SLC39A11: variants seen among roughly 807,000 people sequenced by gnomAD.
SLC39A11 encodes the protein zinc transporter ZIP11.
SLC39A11 carries 33 observed loss-of-function variants against 36.1 expected under a neutral mutation model. That is an observed-to-expected ratio of 0.91 (90% CI 0.69 to 1.22). The LOEUF (loss-of-function observed/expected upper bound fraction) is 1.22. Among genes scored for constraint, SLC39A11 ranks in the 50% most tolerant of loss-of-function variants. The probability of loss-of-function intolerance (pLI) is 0.00; values close to 1 mark genes in which losing one functional copy is unlikely to be tolerated. For missense variants in SLC39A11, 432 were observed against 430.3 expected, an observed-to-expected ratio of 1.00 and a Z score of -0.03; for synonymous variants, 166 against 170.3, an observed-to-expected ratio of 0.97 and a Z score of 0.20.
At chr17:72,959,325 G>GTGTATATATA (rs1436484912) in intron 4 of SLC39A11, among the ~76,000 whole-genome samples, 48 of 65,526 alleles carry the variant, frequency 7.3e-4, no homozygotes, top group African/African-American at 1.9e-3. Flanking sequence ...GTGTGTGTGT[G>GTGTATATATA]TATATATATA....
At chr17:72,647,729 G>C in intron 9 of SLC39A11, 67 bp from the exon 10 acceptor site, 1 of 1,231,180 alleles carries the variant, frequency 8.1e-7, no homozygotes, top group Non-Finnish European at 1.2e-6. Context: ...TAGGCTGAAG[G>C]CATCCTCTGC....
intron 6 of SLC39A11, among the ~76,000 whole-genome samples, chr17:72,777,002 T>C (rs1436408828): frequency 6.6e-6 from 1 of 152,154 alleles, no homozygotes; most frequent in Non-Finnish European, 1.5e-5. Context: ...CCATATGATC[T>C]GCCTACCTTC....
chr17:72,714,899 T>C (rs1439062760), intron 7 of SLC39A11, among the ~76,000 whole-genome samples: 1 of 152,250 alleles, frequency 6.6e-6, no homozygotes, highest in African/African-American at 2.4e-5. Flanking sequence ...GAGAGGTTCA[T>C]TTGTTTAAAC....
intron 6 of SLC39A11, among the ~76,000 whole-genome samples, chr17:72,800,151 C>A (rs1180818546): frequency 1.3e-5 from 2 of 152,050 alleles, no homozygotes; most frequent in Admixed American, 1.3e-4. Flanking sequence ...CAGACACATG[C>A]AAGAGGCAGG....
intron 6 of SLC39A11, among the ~76,000 whole-genome samples, chr17:72,782,705 A>C (rs1306117359): frequency 6.7e-6 from 1 of 149,746 alleles, no homozygotes; most frequent in Non-Finnish European, 1.5e-5. Context: ...AAAAAAAAAA[A>C]AAAAAAAAAA....
rs190113048 is a variant in SLC39A11, at chr17:72,787,009, G to A, written c.602-50290C>T. ...TAATTTTTGTATTTTTAGTAGAGAC[G>A]GGGTTTCACCATGTTGGTCAGGCTG... On this transcript the variant is annotated intron_variant, in intron 6 of 9. Transcript: ENST00000255559. Among the ~76,000 whole-genome samples, 266 of 151,702 alleles carry A rather than the reference G, an allele frequency of 1.8e-3. 3 individuals carry two copies. Among genetic ancestry groups the A allele is most frequent in the Middle Eastern group, 6.8e-3 (2 of 294 alleles).
chr17:72,880,013 C>T (rs1336707165), intron 5 of SLC39A11, among the ~76,000 whole-genome samples: 1 of 152,198 alleles, frequency 6.6e-6, no homozygotes, highest in Non-Finnish European at 1.5e-5. Context: ...CTTGAGGAGG[C>T]TAATTTGAGG....
chr17:72,912,855 C>A (rs990399437), intron 5 of SLC39A11, among the ~76,000 whole-genome samples: 16 of 152,140 alleles, frequency 1.1e-4, no homozygotes, highest in Non-Finnish European at 1.9e-4. Context: ...TGAGCTGCGC[C>A]CCCTTCTTTG....
Position 72,774,458 on chromosome 17 carries a change from G to A in SLC39A11, c.602-37739C>T, listed in dbSNP as rs1043986355. Among the ~76,000 whole-genome samples, 46 of 152,146 alleles carry A rather than the reference G, an allele frequency of 3.0e-4. 1 individual carries two copies. Among genetic ancestry groups the A allele is most frequent in the South Asian group, 2.1e-4 (1 of 4,828 alleles). On this transcript the variant is annotated intron_variant, in intron 6 of 9. Transcript: ENST00000255559. ...AACAGGTCTTCAGTTACAAACCCGC[G>A]CTTCATTTTACAAAACAGTAGCTCC... is the stretch of plus-strand genomic sequence containing the variant.
intron 7 of SLC39A11, among the ~76,000 whole-genome samples, chr17:72,703,894 G>A (rs375989201): frequency 1.3e-4 from 20 of 152,322 alleles, no homozygotes; most frequent in East Asian, 1.2e-3. Flanking sequence ...TCGGGAGGCC[G>A]AGGTGGGTGA....
chr17:73,028,052 G>A (rs558569770), intron 4 of SLC39A11, among the ~76,000 whole-genome samples: 2 of 152,296 alleles, frequency 1.3e-5, no homozygotes, highest in South Asian at 2.1e-4. Flanking sequence ...GGTCGGAACC[G>A]CAGCCAAAGG....
intron 4 of SLC39A11, among the ~76,000 whole-genome samples, chr17:72,974,355 C>A (rs370756208): frequency 2.0e-5 from 3 of 150,998 alleles, no homozygotes; most frequent in East Asian, 1.9e-4. Context: ...CCACCTTGGC[C>A]TCCCAAAGTG....
intron 7 of SLC39A11, among the ~76,000 whole-genome samples, chr17:72,704,614 G>T (rs989969296): frequency 2.6e-5 from 4 of 152,138 alleles, no homozygotes; most frequent in African/African-American, 9.7e-5. Flanking sequence ...AAGCCAAAGC[G>T]CCATCTGTGT....
intron 3 of SLC39A11, among the ~76,000 whole-genome samples, chr17:73,058,801 A>G (rs1250415382): frequency 6.6e-6 from 1 of 152,214 alleles, no homozygotes; most frequent in Non-Finnish European, 1.5e-5. Flanking sequence ...TTGGCAGATG[A>G]AAGAGAACTC....
intron 5 of SLC39A11, among the ~76,000 whole-genome samples, chr17:72,875,059 C>T (rs1401348383): frequency 6.6e-6 from 1 of 152,056 alleles, no homozygotes; most frequent in East Asian, 1.9e-4. Context: ...GAGAGAAACA[C>T]AGGGAGTAAA....
In SLC39A11 at chr17:72,690,942, T is replaced by C. The variant is rs189122647; in HGVS notation, c.672-41674A>G. 5.7e-4 allele frequency among the ~76,000 whole-genome samples: 87 copies of C among 152,134 alleles called. 1 individual carries two copies. The highest frequency in any genetic ancestry group is 1.9e-3 in the African/African-American group (77 of 41,498). On this transcript the variant is annotated intron_variant, in intron 7 of 9. Coordinates refer to ENST00000255559, the MANE Select transcript of SLC39A11 (RefSeq NM_139177.4). Reference sequence around the variant, plus strand: ...GTCACCTGGAAACGTCTAGAGTAGATAAACCAGACCAGATTTCCCAAATCT... The same window carrying C: ...GTCACCTGGAAACGTCTAGAGTAGACAAACCAGACCAGATTTCCCAAATCT...
intron 5 of SLC39A11, among the ~76,000 whole-genome samples, chr17:72,894,417 C>T (rs140174757): frequency 2.9e-5 from 4 of 137,888 alleles, no homozygotes; most frequent in East Asian, 2.1e-4. Context: ...TGCCTGTAAT[C>T]GCAGCACTTT....
At chr17:72,849,454 G>T (rs962000569) in intron 6 of SLC39A11, 180 bp downstream of exon 6, 26 of 473,664 alleles carry the variant, frequency 5.5e-5, no homozygotes, top group Admixed American at 8.4e-5. Context: ...TTTCACATAT[G>T]ATGATCTATC....
intron 5 of SLC39A11, among the ~76,000 whole-genome samples, chr17:72,927,856 A>G (rs1224291493): frequency 6.6e-6 from 1 of 152,100 alleles, no homozygotes; most frequent in Non-Finnish European, 1.5e-5. Flanking sequence ...CACACTGGAA[A>G]GCCCACATTC....
Sources: gnomAD v4.1 joint callset for allele counts (sites outside exome capture counted in the v4.1 genomes callset) on GRCh38, gnomAD v4.1.1 for gene constraint, MANE v1.5 for transcripts, NCBI Gene and HGNC (gene_info 2026-07-23, HGNC 2026-07-21) for gene names.